TMC3: variants seen among roughly 807,000 people sequenced by gnomAD.
The protein encoded by TMC3 is transmembrane channel like 3, also known as transmembrane channel-like protein 3.
Under a neutral mutation model 110.6 loss-of-function variants are expected in TMC3, and 98 were observed. The ratio of observed to expected loss-of-function variants is 0.89; its 90% confidence interval spans 0.75 to 1.05. The LOEUF is 1.05. Ranked by LOEUF, TMC3 falls within the 50% of genes least tolerant of loss-of-function variation. The pLI is 0.00. For synonymous variants in TMC3, 489 were observed against 513.1 expected (o/e 0.95, Z 0.63); for missense variants, 1,319 against 1,373.2 (o/e 0.96, Z 0.62).
chr15:81,359,333 G>T (rs2141717968), intron 5 of TMC3, 32 bp downstream of exon 5: 1 of 1,476,158 alleles, frequency 6.8e-7, no homozygotes, highest in Non-Finnish European at 9.3e-7. Context: ...TCTCCTCTTT[G>T]TAATGAGTGG....
Position 81,374,213 on chromosome 15 carries a change from T to C in TMC3, c.-136A>G. 1 of 707,204 alleles carries C rather than the reference T, an allele frequency of 1.4e-6. No individual in the cohort carries two copies. The highest frequency in any genetic ancestry group is 2.5e-6 in the Non-Finnish European group (1 of 406,756). The allele number at this position is 707,204 out of a possible 1,614,324, so 43.8% of individuals were successfully genotyped here. ...GCTAGTTCTCAGGAAGAAGACTGTG[T>C]GCTTGCAGCTGGTGCTCTGAGCAGG... On this transcript the variant is annotated 5_prime_UTR_variant, in exon 1 of 22. Transcript: ENST00000359440.
intron 18 of TMC3, among the ~76,000 whole-genome samples, chr15:81,338,360 C>G (rs1596079588): frequency 6.6e-6 from 1 of 152,080 alleles, no homozygotes; most frequent in East Asian, 1.9e-4. Flanking sequence ...GCATTCAGCC[C>G]CATTCTAGTG....
rs1376446977 is a variant in TMC3 at position 81,332,432 on chromosome 15, C to A, written c.3290G>T (p.Cys1097Phe). The A allele has an allele frequency of 6.2e-7, 1 of 1,605,780 alleles. No individual in the cohort carries two copies. The highest frequency in any genetic ancestry group is 1.7e-4 in the Middle Eastern group (1 of 6,046). The change falls in exon 22 of 22, where the codon TGT becomes TTT. Residue 1097 changes from cysteine (C) to phenylalanine (F), a missense_variant. By Grantham distance (205) the Cys-to-Phe change is radical. Coordinates refer to ENST00000359440, the MANE Select transcript of TMC3 (RefSeq NM_001080532.3). ...ELTVDLDDLICSDV is the reference protein window; with the variant it reads ...ELTVDLDDLIFSDV Reference sequence around the variant, plus strand: ...ACTGGAGGAAGCCTAGACATCTGAACAAATCAAGTCATCCAGATCCACGGT... The same window carrying A: ...ACTGGAGGAAGCCTAGACATCTGAAAAAATCAAGTCATCCAGATCCACGGT...
chr15:81,373,675 AT>A (rs1443436779), intron 1 of TMC3, among the ~76,000 whole-genome samples: 4 of 152,286 alleles, frequency 2.6e-5, no homozygotes, highest in African/African-American at 9.6e-5. Context: ...CTCTCTTGAC[AT>A]TGCTGATTGA....
rs758804733 is a variant in TMC3, at chr15:81,333,034, G to A, written c.2688C>T (p.Tyr896=). The change falls in exon 22 of 22, where the codon TAC becomes TAT. Residue 896 remains tyrosine, a synonymous_variant. Coordinates refer to ENST00000359440, the MANE Select transcript of TMC3 (RefSeq NM_001080532.3). ...GCCAGACATTTAGATGTTTTTTCTT[G>A]TAAGAGTCACATTCATTAATGACAT... The part of the protein sequence containing the change: ...RYYVINECDS[Y]KKKHLNVWPE... The A allele has an allele frequency of 1.9e-6, 3 of 1,613,566 alleles. No homozygotes were observed. Among genetic ancestry groups the A allele is most frequent in the African/African-American group, 2.7e-5 (2 of 74,880 alleles).
intron 3 of TMC3, among the ~76,000 whole-genome samples, chr15:81,367,150 G>A (rs781725267): frequency 6.6e-6 from 1 of 152,062 alleles, no homozygotes; most frequent in Non-Finnish European, 1.5e-5. Flanking sequence ...GTTCTTCGTA[G>A]GGCTATTAAT....
At chr15:81,341,578 A>G (rs1248396922) in intron 15 of TMC3, 60 bp from the exon 16 acceptor site, 4 of 1,552,124 alleles carry the variant, frequency 2.6e-6, no homozygotes, top group Non-Finnish European at 2.6e-6. Context: ...TCCCAGGACT[A>G]TGGAAGCCCC....
chr15:81,369,836 A>G (rs1437124775), intron 2 of TMC3, among the ~76,000 whole-genome samples: 1 of 152,086 alleles, frequency 6.6e-6, no homozygotes, highest in East Asian at 1.9e-4. Flanking sequence ...CATGGTGGGA[A>G]GATCACTTGA....
chr15:81,340,224 GTC>G (rs5814056), intron 16 of TMC3, among the ~76,000 whole-genome samples: 4,995 of 147,784 alleles, frequency 0.034, 104 homozygotes, highest in South Asian at 0.053. Flanking sequence ...CTCTGTCTCT[GTC>G]TCTCTCTCTC....
At chr15:81,358,570 A>G in intron 5 of TMC3, 70 bp from the exon 6 acceptor site, 1 of 1,276,438 alleles carries the variant, frequency 7.8e-7, no homozygotes, top group Admixed American at 2.2e-5. Flanking sequence ...TGAGAGGTTG[A>G]TCTCCATGTG....
At position 81,362,205 on chromosome 15, in the gene TMC3, G is replaced by T; in HGVS notation, c.394+15C>A. ...CATTGCATTCCTGCCCCACTCTCCAGGTGTAAATACTTACTCTCGATTTTC... is the reference window on the plus strand; with the variant it reads ...CATTGCATTCCTGCCCCACTCTCCATGTGTAAATACTTACTCTCGATTTTC... On this transcript the variant is annotated intron_variant, in intron 4 of 21. Transcript: ENST00000359440. 6.3e-7 allele frequency: 1 copy of T among 1,593,226 alleles called. No individual in the cohort carries two copies. The highest frequency in any genetic ancestry group is 2.3e-5 in the East Asian group (1 of 44,254).
At position 81,356,462 on chromosome 15, in the gene TMC3, T is replaced by C. The variant is rs1443075964; in HGVS notation, c.876A>G (p.Ile292Met). 9 of 1,568,150 alleles carry C rather than the reference T, an allele frequency of 5.7e-6. No individual in the cohort carries two copies. The highest frequency in any genetic ancestry group is 1.4e-5 in the African/African-American group (1 of 73,922). The stretch of plus-strand genomic sequence containing the variant: ...ACTCACTCACCCTGATGCTGTTCAC[T>C]ATGGCAGCTGTTTTGCTCTCTGCAG... Reference protein sequence around the residue: ...PEAAESKTAAIVNSIREAILE... With the variant: ...PEAAESKTAAMVNSIREAILE... The change falls in exon 8 of 22, where the codon ATA becomes ATG. Residue 292 changes from isoleucine (I) to methionine (M), a missense_variant. Ile to Met is a conservative substitution (Grantham distance 10). Coordinates refer to ENST00000359440, the MANE Select transcript of TMC3 (RefSeq NM_001080532.3).
chr15:81,359,547 A>G (rs1894143046), intron 4 of TMC3, 76 bp from the exon 5 acceptor site: 1 of 1,061,106 alleles, frequency 9.4e-7, no homozygotes, highest in South Asian at 1.6e-5. Flanking sequence ...AAAGAACACC[A>G]TAATTTTTTT....
At chr15:81,369,591 C>G (rs1275981718) in intron 2 of TMC3, among the ~76,000 whole-genome samples, 3 of 151,692 alleles carry the variant, frequency 2.0e-5, no homozygotes, top group Non-Finnish European at 2.9e-5. Flanking sequence ...TTATGCACAC[C>G]TATTTTGGGT....
At chr15:81,349,636 T>C in intron 10 of TMC3, 69 bp from the exon 11 acceptor site, 2 of 923,706 alleles carry the variant, frequency 2.2e-6, no homozygotes, top group Non-Finnish European at 1.5e-6. Context: ...CATGTGCATT[T>C]GATCTCTTTC....
chr15:81,366,287 G>C (rs1007879257), intron 3 of TMC3, among the ~76,000 whole-genome samples: 1 of 152,210 alleles, frequency 6.6e-6, no homozygotes, highest in African/African-American at 2.4e-5. Flanking sequence ...TCATACTTGA[G>C]CTGAGACTTG....
At chr15:81,335,212 G>T (rs1893567304) in intron 20 of TMC3, among the ~76,000 whole-genome samples, 1 of 152,202 alleles carries the variant, frequency 6.6e-6, no homozygotes, top group Non-Finnish European at 1.5e-5. Flanking sequence ...GCTTTACAGT[G>T]CTCCATCTGA....
In TMC3 at chr15:81,346,450, G is replaced by A. The variant is rs1893831026; in HGVS notation, c.1194-7C>T. 6 of 1,612,696 alleles carry A rather than the reference G, an allele frequency of 3.7e-6. No homozygotes were observed. The highest frequency in any genetic ancestry group is 2.7e-5 in the African/African-American group (2 of 74,886). On this transcript the variant is annotated splice_polypyrimidine_tract_variant and splice_region_variant and intron_variant, in intron 11 of 21. Coordinates refer to ENST00000359440, the MANE Select transcript of TMC3 (RefSeq NM_001080532.3). ...CAAATACAGCACAAGGACCCTGAAA[G>A]CCACAAGCCCACCTTGAGAAACAAG...
At chr15:81,365,819 A>G (rs978189902) in intron 3 of TMC3, among the ~76,000 whole-genome samples, 4 of 152,240 alleles carry the variant, frequency 2.6e-5, no homozygotes, top group African/African-American at 9.6e-5. Context: ...AAAGACTTAC[A>G]TGTCCACGCA....
Sources: allele counts gnomAD v4.1 joint callset (sites outside exome capture counted in the v4.1 genomes callset), GRCh38; gene constraint gnomAD v4.1.1; transcripts MANE v1.5; gene names NCBI Gene and HGNC (gene_info 2026-07-23, HGNC 2026-07-21).